GLIS3: variants seen among roughly 807,000 people sequenced by gnomAD.
The protein encoded by GLIS3 is zinc finger protein GLIS3.
GLIS3 carries 53 observed loss-of-function variants against 78.6 expected under a neutral mutation model. That is an observed-to-expected ratio of 0.67 (90% CI 0.54 to 0.85). The LOEUF (loss-of-function observed/expected upper bound fraction) is 0.85, where lower values mean the gene tolerates loss of function less well. Ranked by LOEUF, GLIS3 falls within the 40% of genes least tolerant of loss-of-function variation. The pLI is 0.00. For missense variants in GLIS3, 1,703 were observed against 1,231.1 expected, an observed-to-expected ratio of 1.38 and a Z score of -5.74; for synonymous variants, 684 against 509.9, an observed-to-expected ratio of 1.34 and a Z score of -4.60.
intron 2 of GLIS3, among the ~76,000 whole-genome samples, chr9:4,266,730 G>T (rs1826048195): frequency 6.6e-6 from 1 of 152,058 alleles, no homozygotes; most frequent in South Asian, 2.1e-4. Context: ...ATGATAAATA[G>T]TAAAAGCTAT....
At chr9:4,462,885 G>C in the GLIS3 span, among the ~76,000 whole-genome samples, 3 of 152,182 alleles carry the variant, frequency 2.0e-5, no homozygotes, top group Non-Finnish European at 2.9e-5. Flanking sequence ...GAACCTGCTT[G>C]AAAGTCATCA....
At chr9:4,038,187 T>A (rs1230462480) in intron 4 of GLIS3, among the ~76,000 whole-genome samples, 1 of 152,052 alleles carries the variant, frequency 6.6e-6, no homozygotes, top group Non-Finnish European at 1.5e-5. Context: ...TAATCAAGAG[T>A]TTTATTTGGG....
intron 9 of GLIS3, among the ~76,000 whole-genome samples, chr9:3,838,327 C>A (rs1000703984): frequency 4.6e-5 from 7 of 152,116 alleles, no homozygotes; most frequent in African/African-American, 1.7e-4. Context: ...TTTCCATACA[C>A]CCCAGTACTT....
chr9:4,271,521 A>G (rs1440641844), intron 2 of GLIS3, among the ~76,000 whole-genome samples: 1 of 152,240 alleles, frequency 6.6e-6, no homozygotes, highest in Non-Finnish European at 1.5e-5. Flanking sequence ...TGATGTATAA[A>G]GAGAAGCACA....
At chr9:3,931,780 C>T (rs1443513918) in intron 6 of GLIS3, among the ~76,000 whole-genome samples, 1 of 152,154 alleles carries the variant, frequency 6.6e-6, no homozygotes, top group East Asian at 1.9e-4. Flanking sequence ...TTTGAAAATG[C>T]GTTCACCCCT....
intron 2 of GLIS3, among the ~76,000 whole-genome samples, chr9:4,143,067 T>A (rs1166875916): frequency 6.6e-6 from 1 of 151,980 alleles, no homozygotes; most frequent in Non-Finnish European, 1.5e-5. Flanking sequence ...AATAAAGATA[T>A]GTGTCTTTTT....
intron 6 of GLIS3, among the ~76,000 whole-genome samples, chr9:3,926,392 G>A (rs1432585206): frequency 6.6e-6 from 1 of 151,746 alleles, no homozygotes; most frequent in African/African-American, 2.4e-5. Context: ...CACCACGCCT[G>A]GCTAATTTTT....
chr9:4,177,167 A>G (rs1375935326), intron 2 of GLIS3, among the ~76,000 whole-genome samples: 1 of 123,234 alleles, frequency 8.1e-6, no homozygotes, highest in Non-Finnish European at 1.7e-5. Flanking sequence ...AAACAAAACA[A>G]AACAAAATCA....
chr9:3,908,665 A>G (rs1035009482), intron 6 of GLIS3, among the ~76,000 whole-genome samples: 1 of 148,676 alleles, frequency 6.7e-6, no homozygotes, highest in Admixed American at 6.7e-5. Flanking sequence ...ATTTTTTTCT[A>G]ATCTATAAAA....
intron 2 of GLIS3, among the ~76,000 whole-genome samples, chr9:4,126,862 TC>T (rs1012888998): frequency 2.0e-5 from 3 of 152,216 alleles, no homozygotes; most frequent in African/African-American, 7.2e-5. Flanking sequence ...ATATACGATC[TC>T]AATCTTTAAC....
At chr9:4,445,989 A>C in the GLIS3 span, among the ~76,000 whole-genome samples, 1 of 152,198 alleles carries the variant, frequency 6.6e-6, no homozygotes, top group Non-Finnish European at 1.5e-5. Flanking sequence ...AGAAATACCA[A>C]AATTTTAGAT....
chr9:4,372,604 T>C, the GLIS3 span, among the ~76,000 whole-genome samples: 1 of 151,432 alleles, frequency 6.6e-6, no homozygotes, highest in Non-Finnish European at 1.5e-5. Flanking sequence ...AATTCTAACT[T>C]AAGGAATTTG....
At chr9:4,154,411 A>G (rs1834902710) in intron 2 of GLIS3, among the ~76,000 whole-genome samples, 1 of 152,250 alleles carries the variant, frequency 6.6e-6, no homozygotes, top group African/African-American at 2.4e-5. Context: ...ATGTAAAACA[A>G]CTAAAAGAAA....
At chr9:3,851,297 C>G (rs764449222) in intron 9 of GLIS3, among the ~76,000 whole-genome samples, 12 of 152,130 alleles carry the variant, frequency 7.9e-5, no homozygotes, top group Non-Finnish European at 1.6e-4. Flanking sequence ...AAAGAAAAGA[C>G]CGAAAAACAA....
chr9:4,366,147 T>C, the GLIS3 span, among the ~76,000 whole-genome samples: 8 of 152,088 alleles, frequency 5.3e-5, no homozygotes, highest in East Asian at 1.3e-3. Context: ...TAAAGGGAAA[T>C]GTGGAATTAA....
At chr9:4,305,634 A>C (rs1306407752) in intron 4 of GLIS3, 1 of 152,246 alleles carries the variant, frequency 6.6e-6, no homozygotes, top group Non-Finnish European at 1.5e-5. Flanking sequence ...AAAAATGGAC[A>C]TGTAACCCAG....
the GLIS3 span, among the ~76,000 whole-genome samples, chr9:4,357,919 G>A: frequency 3.9e-5 from 6 of 152,234 alleles, no homozygotes; most frequent in Non-Finnish European, 8.8e-5. Context: ...AACGAACAAC[G>A]CAAATTTCCA....
At position 4,118,669 on chromosome 9, in the gene GLIS3, G is replaced by A. The variant is rs1210582995; in HGVS notation, c.809C>T (p.Pro270Leu). 3 of 1,614,142 alleles carry A rather than the reference G, an allele frequency of 1.9e-6. No homozygotes were observed. Among genetic ancestry groups the A allele is most frequent in the Admixed American group, 1.7e-5 (1 of 60,028 alleles). ...MSSNSVSNSL[P>L]SYLFGTESSH... ...ACTTTCCGTGCCAAAAAGGTAGGAT[G>A]GTAATGAGTTAGAGACACTATTGCT... The change falls in exon 4 of 11, where the codon CCA becomes CTA. Residue 270 changes from proline (P) to leucine (L), a missense_variant. Coordinates refer to ENST00000381971, the MANE Select transcript of GLIS3 (RefSeq NM_001042413.2). The surrounding 1 kb of genome is among the most constrained non-coding windows in gnomAD (Gnocchi z 4.7).
intron 4 of GLIS3, among the ~76,000 whole-genome samples, chr9:4,017,877 A>G (rs1391428684): frequency 6.6e-6 from 1 of 152,222 alleles, no homozygotes; most frequent in Non-Finnish European, 1.5e-5. Flanking sequence ...TCAGTATGTA[A>G]TTGGAATATG....
Sources: allele counts gnomAD v4.1 joint callset (sites outside exome capture counted in the v4.1 genomes callset), GRCh38; gene constraint gnomAD v4.1.1; non-coding constraint Gnocchi (gnomAD v3.1); transcripts MANE v1.5; gene names NCBI Gene and HGNC (gene_info 2026-07-23, HGNC 2026-07-21).